TAFA5: variants seen among roughly 807,000 people sequenced by gnomAD.
The protein encoded by TAFA5 is TAFA chemokine like family member 5.
Under a neutral mutation model 15.3 loss-of-function variants are expected in TAFA5, and 6 were observed. That is an observed-to-expected ratio of 0.39 (90% CI 0.21 to 0.77). TAFA5 has a LOEUF of 0.77. Among genes scored for constraint, TAFA5 ranks in the 30% least tolerant of loss-of-function variants. The pLI is 0.41. For synonymous variants in TAFA5, 103 were observed against 80.7 expected, an observed-to-expected ratio of 1.28 and a Z score of -1.48; for missense variants, 161 against 193.1, an observed-to-expected ratio of 0.83 and a Z score of 0.98.
chr22:48,653,317 G>T (rs995279569), intron 2 of TAFA5, among the ~76,000 whole-genome samples: 1 of 152,216 alleles, frequency 6.6e-6, no homozygotes, highest in African/African-American at 2.4e-5. Context: ...TGAGGAAGAT[G>T]GTGGGAAGAG....
chr22:48,700,254 G>A (rs988713006), intron 2 of TAFA5, among the ~76,000 whole-genome samples: 3 of 152,192 alleles, frequency 2.0e-5, no homozygotes, highest in African/African-American at 7.2e-5. Flanking sequence ...GAGGGGGCTG[G>A]GGACAGCAGA....
At chr22:48,718,445 C>G (rs987752266) in intron 3 of TAFA5, among the ~76,000 whole-genome samples, 4 of 152,126 alleles carry the variant, frequency 2.6e-5, no homozygotes, top group Non-Finnish European at 5.9e-5. Context: ...TACCAGGCAG[C>G]CAACCACACG....
Position 48,631,356 on chromosome 22 carries a change from G to A in TAFA5, c.113-15241G>A, listed in dbSNP as rs79443894. Among the ~76,000 whole-genome samples, 12 of 152,330 alleles carry A rather than the reference G, an allele frequency of 7.9e-5. No individual in the cohort carries two copies. In the East Asian group the frequency reaches 1.5e-3, roughly 20 times the overall value. On this transcript the variant is annotated intron_variant, in intron 1 of 3. Transcript: ENST00000402357. ...TCCATGAGGGCCACGCTGGACACACGCCTGCCCGGCCTTTCCAGCAGGGAC... is the reference window on the plus strand; with the variant it reads ...TCCATGAGGGCCACGCTGGACACACACCTGCCCGGCCTTTCCAGCAGGGAC...
chr22:48,565,688 A>G lies in TAFA5; in HGVS notation c.112+75984A>G, dbSNP rs926533512. Among the ~76,000 whole-genome samples, 7 of 152,350 alleles carry G rather than the reference A, an allele frequency of 4.6e-5. No individual in the cohort carries two copies. The East Asian group carries it at 1.3e-3, about 29-fold the overall frequency. On this transcript the variant is annotated intron_variant, in intron 1 of 3. Transcript: ENST00000402357. ...AGAGGATTTCCCGGGACTTGCACCC[A>G]CCGCAGCCCTGTGCTCAGCTCTCAG...
intron 2 of TAFA5, among the ~76,000 whole-genome samples, chr22:48,678,653 A>G (rs762766845): frequency 6.6e-6 from 1 of 151,328 alleles, no homozygotes; most frequent in Non-Finnish European, 1.5e-5. Flanking sequence ...AAGTGTCCTC[A>G]GCCCACCCAC....
intron 1 of TAFA5, among the ~76,000 whole-genome samples, chr22:48,642,356 C>T (rs1375916305): frequency 2.0e-5 from 3 of 152,168 alleles, no homozygotes; most frequent in African/African-American, 7.2e-5. Context: ...ACAGCAGGGA[C>T]ACCTCCAGGC....
At chr22:48,721,687 G>A (rs1929573638) in intron 3 of TAFA5, among the ~76,000 whole-genome samples, 1 of 152,202 alleles carries the variant, frequency 6.6e-6, no homozygotes, top group African/African-American at 2.4e-5. Flanking sequence ...AGTAAGATCA[G>A]GGTGGGGCAC....
chr22:48,496,200 C>T (rs555655151), intron 1 of TAFA5, among the ~76,000 whole-genome samples: 4 of 152,316 alleles, frequency 2.6e-5, no homozygotes, highest in African/African-American at 4.8e-5. Context: ...TGGCCACTGT[C>T]GGGGTCACTT....
At chr22:48,711,368 G>A (rs76276092) in intron 3 of TAFA5, among the ~76,000 whole-genome samples, 129 of 152,038 alleles carry the variant, frequency 8.5e-4, no homozygotes, top group African/African-American at 2.1e-3. Flanking sequence ...TGCCTGGGCC[G>A]GTAGATCTCG....
chr22:48,575,880 T>TGGCGGC (rs1190210205), intron 1 of TAFA5, among the ~76,000 whole-genome samples: 2 of 132,172 alleles, frequency 1.5e-5, no homozygotes, highest in African/African-American at 5.6e-5. Context: ...GCGGCGGCGG[T>TGGCGGC]GGCGGCGGCG....
At chr22:48,502,731 G>C (rs868604782) in intron 1 of TAFA5, among the ~76,000 whole-genome samples, 7 of 151,938 alleles carry the variant, frequency 4.6e-5, no homozygotes, top group African/African-American at 1.5e-4. Context: ...CATGTTGGCC[G>C]GGCTGATTTC....
At chr22:48,605,213 ATGG>A (rs1414853886) in intron 1 of TAFA5, among the ~76,000 whole-genome samples, 102 of 1,582 alleles carry the variant, frequency 0.064, no homozygotes, top group Non-Finnish European at 0.11. Flanking sequence ...GATGGTGGTG[ATGG>A]TGGTGATGGT....
chr22:48,626,705 CA>C (rs1347277439), intron 1 of TAFA5, among the ~76,000 whole-genome samples: 1 of 152,194 alleles, frequency 6.6e-6, no homozygotes, highest in African/African-American at 2.4e-5. Context: ...TCTAATTTAT[CA>C]AATGGTTTTC....
At chr22:48,639,487 C>A (rs1009738520) in intron 1 of TAFA5, among the ~76,000 whole-genome samples, 3 of 152,234 alleles carry the variant, frequency 2.0e-5, no homozygotes, top group Admixed American at 1.3e-4. Flanking sequence ...CTGCGCCCCA[C>A]GGGTGGCAGG....
At chr22:48,663,206 T>C (rs2147215849) in intron 2 of TAFA5, among the ~76,000 whole-genome samples, 1 of 152,308 alleles carries the variant, frequency 6.6e-6, no homozygotes, top group South Asian at 2.1e-4. Context: ...TCATTTACCA[T>C]TGGGAAGGGA....
Position 48,566,771 on chromosome 22 carries a change from C to A in TAFA5, c.112+77067C>A, listed in dbSNP as rs1923421595. 6.6e-6 allele frequency among the ~76,000 whole-genome samples: 1 copy of A among 152,192 alleles called. No homozygotes were observed. The highest frequency in any genetic ancestry group is 1.5e-5 in the Non-Finnish European group (1 of 68,032). On this transcript the variant is annotated intron_variant, in intron 1 of 3. Coordinates refer to ENST00000402357, the MANE Select transcript of TAFA5 (RefSeq NM_001082967.3). The surrounding 1 kb of genome is among the most constrained non-coding windows in gnomAD (Gnocchi z 4.5). ...GCCTGTAGAGAACCCAGCCCCTGAT[C>A]ATGCTCTCCTCCTTTTGCCTGTGTC... is the stretch of plus-strand genomic sequence containing the variant.
intron 1 of TAFA5, among the ~76,000 whole-genome samples, chr22:48,519,154 C>T (rs942956687): frequency 2.0e-5 from 3 of 152,196 alleles, no homozygotes; most frequent in Admixed American, 1.3e-4. Context: ...AGTAATTTTT[C>T]ATTCTGCTTG....
chr22:48,517,993 G>A (rs1016759327), intron 1 of TAFA5, among the ~76,000 whole-genome samples: 6 of 152,196 alleles, frequency 3.9e-5, no homozygotes, highest in African/African-American at 1.2e-4. Context: ...GGCTCCGGGG[G>A]CCCAGGCCCC....
chr22:48,612,635 C>G (rs778359089), intron 1 of TAFA5, among the ~76,000 whole-genome samples: 1 of 152,144 alleles, frequency 6.6e-6, no homozygotes, highest in African/African-American at 2.4e-5. Flanking sequence ...CCCCGCGTGT[C>G]TCCCTTTCCC....
Sources: gnomAD v4.1 joint callset for allele counts (sites outside exome capture counted in the v4.1 genomes callset) on GRCh38, gnomAD v4.1.1 for gene constraint, Gnocchi (gnomAD v3.1) non-coding constraint, MANE v1.5 for transcripts, NCBI Gene and HGNC (gene_info 2026-07-23, HGNC 2026-07-21) for gene names.